MBP: variants seen among roughly 807,000 people sequenced by gnomAD.
MBP encodes the protein Golli-MBP.
A neutral mutation model predicts 35.8 loss-of-function variants in MBP; 16 were observed. The observed-to-expected ratio is 0.45, with a 90% CI of 0.30 to 0.68. The LOEUF (loss-of-function observed/expected upper bound fraction) is 0.68. Among genes scored for constraint, MBP ranks in the 30% least tolerant of loss-of-function variants. The pLI, the probability that MBP is intolerant of heterozygous loss-of-function variation, is 0.08. For missense variants in MBP, 380 were observed against 404.7 expected, an observed-to-expected ratio of 0.94 and a Z score of 0.52; for synonymous variants, 143 against 159.6, an observed-to-expected ratio of 0.90 and a Z score of 0.78.
chr18:77,113,022 C>T (rs1489336594), intron 1 of MBP: 4 of 152,128 alleles, frequency 2.6e-5, no homozygotes, highest in Non-Finnish European at 4.4e-5. Context: ...TCACTGCCAC[C>T]TCCGCCTCCC....
At chr18:77,129,442 A>C (rs1400914463) in intron 1 of MBP, among the ~76,000 whole-genome samples, 2 of 152,230 alleles carry the variant, frequency 1.3e-5, no homozygotes, top group East Asian at 3.8e-4. Flanking sequence ...GACGTCCCAC[A>C]AACCTGGCCA....
At chr18:77,002,623 C>T (rs187083560) in intron 4 of MBP, among the ~76,000 whole-genome samples, 1 of 152,346 alleles carries the variant, frequency 6.6e-6, no homozygotes, top group East Asian at 1.9e-4. Flanking sequence ...TCCCACGTCA[C>T]CACTCATTTT....
intron 1 of MBP, among the ~76,000 whole-genome samples, chr18:77,124,078 C>T (rs907748311): frequency 2.0e-5 from 3 of 152,124 alleles, no homozygotes; most frequent in African/African-American, 7.2e-5. Context: ...GCAGGGCTCT[C>T]TGGGAGCATC....
intron 2 of MBP, among the ~76,000 whole-genome samples, chr18:77,078,926 G>C (rs1321440800): frequency 1.3e-5 from 2 of 152,196 alleles, no homozygotes; most frequent in Non-Finnish European, 2.9e-5. Flanking sequence ...TGTGCCCTGG[G>C]CACTCCTGCC....
At chr18:77,034,677 G>A (rs1972682873) in intron 3 of MBP, among the ~76,000 whole-genome samples, 3 of 152,128 alleles carry the variant, frequency 2.0e-5, no homozygotes, top group South Asian at 2.1e-4. Context: ...ATTAGAAGAC[G>A]GAAATTAATA....
At chr18:77,115,243 A>C (rs1311483752) in intron 1 of MBP, 1 of 152,218 alleles carries the variant, frequency 6.6e-6, no homozygotes, top group African/African-American at 2.4e-5. Context: ...GGCATTGCTC[A>C]CAGCCAGAGC....
At chr18:77,126,445 G>C (rs1016676219) in intron 1 of MBP, among the ~76,000 whole-genome samples, 3 of 152,148 alleles carry the variant, frequency 2.0e-5, no homozygotes, top group African/African-American at 7.2e-5. Flanking sequence ...CATCATAATT[G>C]GTGGTAAAAA....
intron 3 of MBP, among the ~76,000 whole-genome samples, chr18:77,049,687 T>C (rs1254476372): frequency 1.3e-5 from 2 of 152,152 alleles, no homozygotes; most frequent in Admixed American, 1.3e-4. Context: ...TTTATTTTAT[T>C]TTATTTTTTT....
intron 2 of MBP, among the ~76,000 whole-genome samples, chr18:77,090,469 C>T (rs1283226419): frequency 6.6e-6 from 1 of 152,214 alleles, no homozygotes; most frequent in Non-Finnish European, 1.5e-5. Context: ...ACACACCAAT[C>T]CAATCTCCTC....
intron 3 of MBP, among the ~76,000 whole-genome samples, chr18:77,039,638 G>A (rs1040094218): frequency 1.6e-4 from 25 of 152,194 alleles, no homozygotes; most frequent in African/African-American, 6.0e-4. Flanking sequence ...CATGCCAGGG[G>A]ACAGAGGTCA....
chr18:76,990,439 C>T (rs943857094), intron 4 of MBP, among the ~76,000 whole-genome samples: 4 of 151,996 alleles, frequency 2.6e-5, no homozygotes, highest in African/African-American at 9.7e-5. Context: ...ATGATTCTTG[C>T]AGAAGGCAGG....
At chr18:77,022,419 C>T (rs1681880992) in intron 3 of MBP, among the ~76,000 whole-genome samples, 1 of 152,182 alleles carries the variant, frequency 6.6e-6, no homozygotes, top group South Asian at 2.1e-4. Context: ...TCCATGACCA[C>T]TGGTGAAATT....
intron 4 of MBP, among the ~76,000 whole-genome samples, chr18:76,996,926 T>C (rs1396053201): frequency 6.6e-6 from 1 of 152,192 alleles, no homozygotes; most frequent in African/African-American, 2.4e-5. Flanking sequence ...GAGATGGAAT[T>C]CATGGGTGCA....
At position 76,979,885 on chromosome 18, in the gene MBP, T is replaced by C; in HGVS notation, c.*542A>G. On this transcript the variant is annotated 3_prime_UTR_variant, in exon 9 of 9. Coordinates refer to ENST00000355994, the MANE Select transcript of MBP (RefSeq NM_001025101.2). ...ATGTCACATACCAAAAGCTCCCACA[T>C]GTAGTAAGCCACTCCTTGACTGTCT... 2.9e-6 allele frequency: 2 copies of C among 693,754 alleles called. No homozygotes were observed. 43.0% of individuals were successfully genotyped at this position (693,754 alleles called of 1,614,324 possible).
chr18:77,013,462 G>T, intron 4 of MBP: 1 of 985,310 alleles, frequency 1.0e-6, no homozygotes, highest in Non-Finnish European at 1.2e-6. Flanking sequence ...TTAGGTTACT[G>T]TAGAACTAAA....
chr18:77,126,685 T>A (rs1977062193), intron 1 of MBP, among the ~76,000 whole-genome samples: 1 of 152,194 alleles, frequency 6.6e-6, no homozygotes, highest in African/African-American at 2.4e-5. Flanking sequence ...GGCAGCTCAG[T>A]AGGTTGCAGA....
At chr18:77,116,909 A>G (rs776758838) in intron 1 of MBP, among the ~76,000 whole-genome samples, 1 of 152,210 alleles carries the variant, frequency 6.6e-6, no homozygotes, top group African/African-American at 2.4e-5. Flanking sequence ...CCCAAGGAAC[A>G]CAAGTCCACA....
At chr18:76,999,375 T>G (rs1283010007) in intron 4 of MBP, among the ~76,000 whole-genome samples, 1 of 152,034 alleles carries the variant, frequency 6.6e-6, no homozygotes, top group East Asian at 1.9e-4. Flanking sequence ...GGAACGCTTG[T>G]GACGTATAAG....
At chr18:77,090,044 A>C (rs925007223) in intron 2 of MBP, among the ~76,000 whole-genome samples, 1 of 152,188 alleles carries the variant, frequency 6.6e-6, no homozygotes, top group Non-Finnish European at 1.5e-5. Flanking sequence ...TTGCAGGTGC[A>C]GGTGAAGGCA....
Sources: gnomAD v4.1 joint callset for allele counts (sites outside exome capture counted in the v4.1 genomes callset) on GRCh38, gnomAD v4.1.1 for gene constraint, MANE v1.5 for transcripts, NCBI Gene and HGNC (gene_info 2026-07-23, HGNC 2026-07-21) for gene names.